CCDC169: variants seen among roughly 807,000 people sequenced by gnomAD.
CCDC169 encodes coiled-coil domain-containing protein 169.
In CCDC169, 30 loss-of-function variants were observed where a neutral mutation model predicts 36.0. The observed-to-expected ratio is 0.83, with a 90% CI of 0.62 to 1.13. The LOEUF (loss-of-function observed/expected upper bound fraction) is 1.13. Among genes scored for constraint, CCDC169 ranks in the 50% most tolerant of loss-of-function variants. CCDC169 has a pLI of 0.00. For synonymous variants in CCDC169, 85 were observed against 81.5 expected, an observed-to-expected ratio of 1.04 and a Z score of -0.23; for missense variants, 245 against 245.9, an observed-to-expected ratio of 1.00 and a Z score of 0.03.
rs908176242 is a variant in CCDC169 at position 36,297,648 on chromosome 13, T to C, written c.72A>G (p.Glu24=). 5 of 1,550,930 alleles carry C rather than the reference T, an allele frequency of 3.2e-6. No homozygotes were observed. Among genetic ancestry groups the C allele is most frequent in the Non-Finnish European group, 4.4e-6 (5 of 1,146,994 alleles). ...TNRLKQQLLE[E]VRKKDAVQLS... ...GCCCGCCGACTCACTTCTTGCGGAC[T>C]TCTTCCAGCAACTGCTGTTTCAGGC... Residue 24 remains glutamate (E), a synonymous_variant, in exon 1 of 8, where the codon GAA becomes GAG. Coordinates refer to ENST00000239859, the MANE Select transcript of CCDC169 (RefSeq NM_001144981.3).
intron 6 of CCDC169, 21 bp from the exon 7 acceptor site, chr13:36,248,703 T>A: frequency 6.5e-7 from 1 of 1,544,646 alleles, no homozygotes; most frequent in Non-Finnish European, 8.8e-7. Flanking sequence ...AAAATTTGAG[T>A]GTTTATCCCC....
At chr13:36,277,724 G>A (rs1877003425) in intron 4 of CCDC169, among the ~76,000 whole-genome samples, 1 of 152,098 alleles carries the variant, frequency 6.6e-6, no homozygotes, top group African/African-American at 2.4e-5. Flanking sequence ...GCTGAGGCAG[G>A]CGGATCACCT....
intron 7 of CCDC169, among the ~76,000 whole-genome samples, chr13:36,236,899 A>G (rs1233187486): frequency 6.6e-6 from 1 of 152,068 alleles, no homozygotes; most frequent in African/African-American, 2.4e-5. Flanking sequence ...CAGATGCTCA[A>G]GTCCCTTACA....
intron 4 of CCDC169, chr13:36,282,575 TCTTTCCTTTC>T: frequency 1.0e-6 from 1 of 983,060 alleles, no homozygotes; most frequent in Non-Finnish European, 1.2e-6. Flanking sequence ...ACTTTCATTC[TCTTTCCTTTC>T]TGCTTGGTCT....
chr13:36,281,400 TAGA>T (rs1877519638), intron 4 of CCDC169: 1 of 335,626 alleles, frequency 3.0e-6, no homozygotes, highest in Non-Finnish European at 5.7e-6. Flanking sequence ...GAAAGACACT[TAGA>T]AGATAATATA....
At chr13:36,296,285 G>A (rs921649332) in intron 1 of CCDC169, among the ~76,000 whole-genome samples, 1 of 152,058 alleles carries the variant, frequency 6.6e-6, no homozygotes, top group Non-Finnish European at 1.5e-5. Flanking sequence ...GAAGAGACAG[G>A]GTTTCACCAT....
chr13:36,236,715 G>T (rs1871119676), intron 7 of CCDC169, among the ~76,000 whole-genome samples: 1 of 151,984 alleles, frequency 6.6e-6, no homozygotes, highest in South Asian at 2.1e-4. Flanking sequence ...TCTTTTATCT[G>T]ATAAGGTCTC....
intron 4 of CCDC169, among the ~76,000 whole-genome samples, chr13:36,254,702 G>A (rs1368803479): frequency 2.0e-5 from 3 of 151,980 alleles, no homozygotes; most frequent in East Asian, 1.9e-4. Context: ...AAACGGTATC[G>A]TACAAACCTA....
At chr13:36,229,902 T>TA (rs1255399362), downstream of CCDC169, among the ~76,000 whole-genome samples, 1 of 152,080 alleles carries the variant, frequency 6.6e-6, no homozygotes, top group African/African-American at 2.4e-5. Context: ...GTATAAGACA[T>TA]AAAAATCTAA....
chr13:36,283,673 G>A lies in CCDC169; in HGVS notation c.193C>T (p.Gln65Ter), dbSNP rs907441138. ...GSEWKTRYET[Q>*]LELNDELEKQ... ...TCTAGTTCATCATTTAATTCAAGTT[G>A]TGTCTCATAACGGGTTTTCCATTCA... Residue 65 changes from glutamine to a stop codon, truncating the protein, a stop_gained, in exon 3 of 8, where the codon CAA (glutamine) becomes TAA (stop). Transcript: ENST00000239859. LOFTEE classifies it high-confidence loss of function. The A allele has an allele frequency of 1.3e-6, 2 of 1,550,946 alleles. No individual in the cohort carries two copies. Among genetic ancestry groups the A allele is most frequent in the African/African-American group, 2.7e-5 (2 of 73,110 alleles).
chr13:36,236,087 T>C (rs967587041), intron 7 of CCDC169, among the ~76,000 whole-genome samples: 1 of 151,986 alleles, frequency 6.6e-6, no homozygotes, highest in Non-Finnish European at 1.5e-5. Flanking sequence ...CAAAGTGATC[T>C]ACAGATTCAA....
downstream of CCDC169, among the ~76,000 whole-genome samples, chr13:36,228,838 G>A (rs1435816991): frequency 6.6e-6 from 1 of 152,140 alleles, no homozygotes; most frequent in Admixed American, 6.5e-5. Context: ...GAGCCACCAT[G>A]TCCAGCCAGT....
chr13:36,287,144 G>A (rs1594087383), intron 2 of CCDC169, among the ~76,000 whole-genome samples: 3 of 148,524 alleles, frequency 2.0e-5, no homozygotes, highest in Admixed American at 6.9e-5. Context: ...ATAGAGTTAA[G>A]TAGAGTCTTC....
intron 4 of CCDC169, among the ~76,000 whole-genome samples, chr13:36,279,652 C>G (rs140478742): frequency 6.6e-6 from 1 of 152,232 alleles, no homozygotes; most frequent in African/African-American, 2.4e-5. Context: ...GTTTATGGAT[C>G]ACTGCCTTAA....
chr13:36,291,085 A>T (rs996054223), intron 2 of CCDC169, among the ~76,000 whole-genome samples: 8 of 152,144 alleles, frequency 5.3e-5, no homozygotes, highest in Non-Finnish European at 1.2e-4. Flanking sequence ...TCAGGCCATT[A>T]TGAGAAGTGG....
In CCDC169 at chr13:36,267,743, T is replaced by C. The variant is rs1238155662; in HGVS notation, c.316-13600A>G. ...TGGAAGGATTCATATAAACTCAAGG[T>C]AAAAGGGTGCAAAAAGATATTCCAC... On this transcript the variant is annotated intron_variant, in intron 4 of 7. Transcript: ENST00000239859. 2.0e-5 allele frequency among the ~76,000 whole-genome samples: 3 copies of C among 151,816 alleles called. No individual in the cohort carries two copies. The East Asian group carries it at 5.8e-4, about 29-fold the overall frequency.
At chr13:36,295,132 C>T (rs1354984210) in intron 2 of CCDC169, among the ~76,000 whole-genome samples, 2 of 152,168 alleles carry the variant, frequency 1.3e-5, no homozygotes, top group African/African-American at 2.4e-5. Flanking sequence ...TTTATTAACT[C>T]ACCCGAATTC....
At chr13:36,227,838 C>G (rs1045367632), downstream of CCDC169, among the ~76,000 whole-genome samples, 3 of 152,310 alleles carry the variant, frequency 2.0e-5, no homozygotes, top group South Asian at 6.2e-4. Flanking sequence ...GACCTTCCCC[C>G]AACCCTCAGC....
At chr13:36,227,497 CA>C (rs2138363652), downstream of CCDC169, 2 of 1,104,300 alleles carry the variant, frequency 1.8e-6, no homozygotes, top group Admixed American at 8.6e-5. Context: ...CACATATACA[CA>C]AAAATAAATA....
Sources: gnomAD v4.1 joint callset for allele counts (sites outside exome capture counted in the v4.1 genomes callset) on GRCh38, gnomAD v4.1.1 for gene constraint, MANE v1.5 for transcripts, NCBI Gene and HGNC (gene_info 2026-07-23, HGNC 2026-07-21) for gene names.